Variants in INTS15 observed in about 807,000 individuals in gnomAD.
INTS15 encodes the protein uncharacterized protein C7orf26.
chr7:6,590,903 A>G, the INTS15 span, among the ~76,000 whole-genome samples: 1 of 151,508 alleles, frequency 6.6e-6, no homozygotes, highest in Non-Finnish European at 1.5e-5. Flanking sequence ...CAGTGGTGCA[A>G]TCACAGCTCA....
the INTS15 span, chr7:6,594,441 C>T: frequency 1.2e-6 from 2 of 1,614,054 alleles, no homozygotes; most frequent in Non-Finnish European, 8.5e-7. Flanking sequence ...CCAGCGGACG[C>T]CCGTGGTTTA....
At chr7:6,592,995 T>G in the INTS15 span, among the ~76,000 whole-genome samples, 1 of 152,058 alleles carries the variant, frequency 6.6e-6, no homozygotes, top group Non-Finnish European at 1.5e-5. Context: ...CTCTCCTGAA[T>G]CTCTTCAATG....
At chr7:6,592,577 C>G in the INTS15 span, among the ~76,000 whole-genome samples, 1 of 149,924 alleles carries the variant, frequency 6.7e-6, no homozygotes. Context: ...AAAAAAAAAA[C>G]TTTTTTTTTA....
the INTS15 span, among the ~76,000 whole-genome samples, chr7:6,603,713 C>T: frequency 2.0e-5 from 3 of 152,112 alleles, no homozygotes; most frequent in Admixed American, 2.0e-4. Context: ...GTGGCGGGTG[C>T]CTGTAATCCC....
chr7:6,596,023 C>T, the INTS15 span, among the ~76,000 whole-genome samples: 3 of 151,274 alleles, frequency 2.0e-5, no homozygotes, highest in South Asian at 6.2e-4. Flanking sequence ...TGGTCTCCCA[C>T]CAGCCTCCTG....
the INTS15 span, chr7:6,590,415 C>T: frequency 3.7e-6 from 6 of 1,604,488 alleles, no homozygotes; most frequent in African/African-American, 5.4e-5. Context: ...ACAAGGGCCC[C>T]GTGGAGCTGC....
the INTS15 span, chr7:6,602,793 G>A: frequency 4.3e-6 from 2 of 469,466 alleles, no homozygotes; most frequent in South Asian, 1.6e-5. Flanking sequence ...GAGAGAATCC[G>A]GGCCTTGCCA....
At chr7:6,590,424 G>C in the INTS15 span, 2 of 1,603,188 alleles carry the variant, frequency 1.2e-6, no homozygotes, top group South Asian at 1.1e-5. Flanking sequence ...CCGTGGAGCT[G>C]CTGGAGGAGT....
the INTS15 span, chr7:6,602,113 C>A: frequency 2.5e-6 from 4 of 1,613,344 alleles, no homozygotes; most frequent in Non-Finnish European, 3.4e-6. Context: ...GACCTGAGAA[C>A]CTTGTGCTCC....
At chr7:6,596,217 G>C in the INTS15 span, among the ~76,000 whole-genome samples, 1 of 151,638 alleles carries the variant, frequency 6.6e-6, no homozygotes, top group African/African-American at 2.4e-5. Context: ...CACCATGTCT[G>C]ACTAATTTTT....
At chr7:6,602,819 A>C in the INTS15 span, 8 of 462,214 alleles carry the variant, frequency 1.7e-5, no homozygotes, top group Admixed American at 1.9e-4. Flanking sequence ...AAAAGTCCAT[A>C]TGTCCTTGGT....
At chr7:6,591,676 C>G in the INTS15 span, 5 of 1,614,186 alleles carry the variant, frequency 3.1e-6, no homozygotes, top group South Asian at 5.5e-5. Context: ...GCTTCAACTT[C>G]TTGAAATCAT....
At chr7:6,591,413 C>T in the INTS15 span, among the ~76,000 whole-genome samples, 2 of 150,362 alleles carry the variant, frequency 1.3e-5, no homozygotes, top group Admixed American at 6.6e-5. Flanking sequence ...ATTACAGGTG[C>T]GCGCCACCAT....
the INTS15 span, among the ~76,000 whole-genome samples, chr7:6,605,999 T>C: frequency 1.3e-5 from 2 of 151,874 alleles, no homozygotes; most frequent in Non-Finnish European, 2.9e-5. Context: ...ACGCCTGGCC[T>C]ACCTCTTAGA....
chr7:6,606,088 G>A, the INTS15 span, among the ~76,000 whole-genome samples: 1 of 152,212 alleles, frequency 6.6e-6, no homozygotes, highest in African/African-American at 2.4e-5. Context: ...CCGGCAGGGT[G>A]TGTACAGGTT....
the INTS15 span, among the ~76,000 whole-genome samples, chr7:6,593,406 C>A: frequency 4.0e-5 from 6 of 149,980 alleles, no homozygotes; most frequent in East Asian, 1.2e-3. Flanking sequence ...TCTCGGCTCA[C>A]TGCAAGCTCT....
At chr7:6,608,065 T>G in the INTS15 span, 26 of 1,596,384 alleles carry the variant, frequency 1.6e-5, no homozygotes, top group African/African-American at 2.8e-4. Flanking sequence ...GCTACGGGGC[T>G]GTCCCGGCCC....
chr7:6,608,555 T>G, the INTS15 span: 8 of 1,097,130 alleles, frequency 7.3e-6, no homozygotes, highest in Non-Finnish European at 8.9e-6. Flanking sequence ...AGTGGGCTCC[T>G]TCTGCAGCCC....
At chr7:6,602,877 A>C in the INTS15 span, 1 of 390,548 alleles carries the variant, frequency 2.6e-6, no homozygotes, top group Non-Finnish European at 5.3e-6. Context: ...AAATCAAGAA[A>C]ACCATGGGAC....
Sources: allele counts gnomAD v4.1 joint callset (sites outside exome capture counted in the v4.1 genomes callset), GRCh38; gene constraint gnomAD v4.1.1; transcripts MANE v1.5; gene names NCBI Gene and HGNC (gene_info 2026-07-23, HGNC 2026-07-21).